Variants in SMIM31 observed in about 807,000 individuals in gnomAD.
SMIM31 encodes human epithelial cell program regulator.
chr4:164,779,038 C>G (rs1226497535), intron 2 of SMIM31, among the ~76,000 whole-genome samples: 1 of 150,378 alleles, frequency 6.6e-6, no homozygotes, highest in African/African-American at 2.4e-5. Context: ...TCTTTTTCAA[C>G]TGAGGGTTTC....
At chr4:164,788,482 T>TTC (rs1733057373) in intron 2 of SMIM31, among the ~76,000 whole-genome samples, 1 of 103,950 alleles carries the variant, frequency 9.6e-6, no homozygotes, top group African/African-American at 4.0e-5. Flanking sequence ...ATTTTTCTTT[T>TTC]TTTTTTTTTT....
rs1733316126 is a variant in SMIM31, at chr4:164,803,624, C to T, written c.*2430C>T. On this transcript the variant is annotated 3_prime_UTR_variant, in exon 3 of 3. Transcript: ENST00000507311. The stretch of plus-strand genomic sequence containing the variant: ...AGCCTGGCCAAGATGGTGAAACCTC[C>T]TCTCTACTAAAAATACAAAAATTAG... 6.6e-6 allele frequency: 1 copy of T among 151,274 alleles called. No individual in the cohort carries two copies. Among genetic ancestry groups the T allele is most frequent in the Non-Finnish European group, 1.5e-5 (1 of 67,860 alleles). The allele number at this position is 151,274 out of a possible 1,614,324, so 9.4% of individuals were successfully genotyped here.
intron 2 of SMIM31, among the ~76,000 whole-genome samples, chr4:164,791,115 C>T (rs1047698376): frequency 6.6e-6 from 1 of 151,876 alleles, no homozygotes; most frequent in Non-Finnish European, 1.5e-5. Context: ...ACAGATATAA[C>T]TTCTATCCTC....
intron 1 of SMIM31, among the ~76,000 whole-genome samples, chr4:164,755,669 G>A (rs2110912659): frequency 6.7e-6 from 1 of 150,246 alleles, no homozygotes; most frequent in East Asian, 2.0e-4. Context: ...CTTGAAAATT[G>A]AAATTGAATG....
intron 2 of SMIM31, among the ~76,000 whole-genome samples, chr4:164,799,567 T>C (rs1733256670): frequency 6.6e-6 from 1 of 152,082 alleles, no homozygotes; most frequent in African/African-American, 2.4e-5. Context: ...CTTAACCTTT[T>C]GTTCTATTCA....
In SMIM31 at chr4:164,773,466, A is replaced by C. The variant is rs1284419862; in HGVS notation, c.112+2911A>C. Among the ~76,000 whole-genome samples, 8 of 152,266 alleles carry C rather than the reference A, an allele frequency of 5.3e-5. No individual in the cohort carries two copies. In the South Asian group the frequency reaches 1.5e-3, roughly 28 times the overall value. On this transcript the variant is annotated intron_variant, in intron 2 of 2. Transcript: ENST00000507311. ...AAACTTACAATCGTGGTGGAAGGGG[A>C]AGCAAACATGTCCTTCTTCATTTAG... is the stretch of plus-strand genomic sequence containing the variant.
intron 2 of SMIM31, among the ~76,000 whole-genome samples, chr4:164,799,089 T>C (rs944632853): frequency 1.3e-5 from 2 of 151,992 alleles, no homozygotes; most frequent in African/African-American, 4.8e-5. Flanking sequence ...CTCTTTTCTT[T>C]ATAAATTACC....
chr4:164,768,232 T>TCA (rs1382152032), intron 1 of SMIM31, among the ~76,000 whole-genome samples: 1 of 88,720 alleles, frequency 1.1e-5, no homozygotes, highest in African/African-American at 4.2e-5. Flanking sequence ...CAAGACTTTG[T>TCA]CACAAAAAAA....
chr4:164,774,352 T>C (rs1156437049), intron 2 of SMIM31, among the ~76,000 whole-genome samples: 1 of 152,118 alleles, frequency 6.6e-6, no homozygotes. Context: ...AAAAATCTGA[T>C]GTAAGGGAAG....
intron 2 of SMIM31, among the ~76,000 whole-genome samples, chr4:164,776,797 G>A (rs761185533): frequency 1.3e-5 from 2 of 152,048 alleles, no homozygotes; most frequent in Non-Finnish European, 2.9e-5. Flanking sequence ...CTCAACATAT[G>A]AGTTTCACAT....
At chr4:164,783,451 G>T (rs1362465841) in intron 2 of SMIM31, among the ~76,000 whole-genome samples, 1 of 150,014 alleles carries the variant, frequency 6.7e-6, no homozygotes, top group Non-Finnish European at 1.5e-5. Context: ...TTGAACACAG[G>T]AAGCGAAGGT....
At position 164,758,801 on chromosome 4, in the gene SMIM31, A is replaced by ATTTTTTTTTTTTTTTTTTTTTT. The variant is rs35632469; in HGVS notation, c.-26+4409_-26+4430dup. On this transcript the variant is annotated intron_variant, in intron 1 of 2. Transcript: ENST00000507311. ...GGCGCCCGCCACCACGCCCGGCCAA[A>ATTTTTTTTTTTTTTTTTTTTTT]TTTTTTTTTTTTTTTTTTTTTTTTT... is the stretch of plus-strand genomic sequence containing the variant. Among the ~76,000 whole-genome samples the ATTTTTTTTTTTTTTTTTTTTTT allele has an allele frequency of 7.1e-4, 43 of 60,908 alleles. 3 individuals are homozygous for ATTTTTTTTTTTTTTTTTTTTTT. The highest frequency in any genetic ancestry group is 8.6e-4 in the Non-Finnish European group (30 of 34,780). The allele number at this position is 60,908 out of a possible 152,430, so 40.0% of individuals were successfully genotyped here. A position where few individuals can be genotyped will look rare whatever the true frequency, so the allele number is the denominator to read the frequency against.
intron 2 of SMIM31, among the ~76,000 whole-genome samples, chr4:164,786,427 G>A (rs1733026512): frequency 1.3e-5 from 2 of 151,914 alleles, no homozygotes; most frequent in South Asian, 4.2e-4. Flanking sequence ...ATTTCCTTAG[G>A]GATAGTTAAA....
chr4:164,784,625 C>A (rs1167317779), intron 2 of SMIM31, among the ~76,000 whole-genome samples: 2 of 152,144 alleles, frequency 1.3e-5, no homozygotes, highest in Admixed American at 1.3e-4. Context: ...ATAAGACTTA[C>A]TAACAGTTTG....
At chr4:164,757,091 C>T (rs866558038) in intron 1 of SMIM31, among the ~76,000 whole-genome samples, 2 of 151,974 alleles carry the variant, frequency 1.3e-5, no homozygotes, top group South Asian at 4.1e-4. Context: ...AGGGTTTTGG[C>T]TTTGATTTTA....
chr4:164,762,662 C>CAAAAAAAAAAAAAAAAAAAAAAAAAA (rs1162067333), intron 1 of SMIM31, among the ~76,000 whole-genome samples: 3 of 100,108 alleles, frequency 3.0e-5, no homozygotes, highest in Non-Finnish European at 4.1e-5. Context: ...GACTCTGTCT[C>CAAAAAAAAAAAAAAAAAAAAAAAAAA]AAAAAAAAAA....
At chr4:164,762,677 A>G (rs1560823646) in intron 1 of SMIM31, among the ~76,000 whole-genome samples, 3 of 150,804 alleles carry the variant, frequency 2.0e-5, no homozygotes, top group East Asian at 1.9e-4. Flanking sequence ...AAAAAAAAAA[A>G]AAAAAAGAAA....
chr4:164,787,691 C>G lies in SMIM31; in HGVS notation c.113-13400C>G, dbSNP rs529760113. ...ATGGAAATTCTAGATCTTTTAATCCCGGCCTCCAAATCCCTACCTCTTTGA... is the reference window on the plus strand; with the variant it reads ...ATGGAAATTCTAGATCTTTTAATCCGGGCCTCCAAATCCCTACCTCTTTGA... On this transcript the variant is annotated intron_variant, in intron 2 of 2. Transcript: ENST00000507311. Among the ~76,000 whole-genome samples the G allele has an allele frequency of 2.0e-5, 3 of 152,040 alleles. No homozygotes were observed. In the South Asian group the frequency reaches 6.2e-4, roughly 32 times the overall value.
intron 2 of SMIM31, among the ~76,000 whole-genome samples, chr4:164,799,255 C>T (rs563927498): frequency 2.2e-4 from 33 of 151,972 alleles, no homozygotes; most frequent in African/African-American, 7.7e-4. Context: ...TATGGTGGCA[C>T]ATACCCGTAA....
Sources: gnomAD v4.1 joint callset for allele counts (sites outside exome capture counted in the v4.1 genomes callset) on GRCh38, gnomAD v4.1.1 for gene constraint, MANE v1.5 for transcripts, NCBI Gene and HGNC (gene_info 2026-07-23, HGNC 2026-07-21) for gene names.